Variants in SLIT2 observed in about 807,000 individuals in gnomAD.
SLIT2 encodes the protein slit guidance ligand 2.
SLIT2 carries 41 observed loss-of-function variants against 185.7 expected under a neutral mutation model. That is an observed-to-expected ratio of 0.22 (90% CI 0.17 to 0.29). The LOEUF (loss-of-function observed/expected upper bound fraction) is 0.29, where lower values mean the gene tolerates loss of function less well. Among genes scored for constraint, SLIT2 ranks in the 10% least tolerant of loss-of-function variants. The pLI, the probability that SLIT2 is intolerant of heterozygous loss-of-function variation, is 1.00. For synonymous variants in SLIT2, 693 were observed against 680.2 expected, an observed-to-expected ratio of 1.02 and a Z score of -0.29; for missense variants, 1,571 against 1,909.0, an observed-to-expected ratio of 0.82 and a Z score of 3.30.
chr4:20,443,741 G>A (rs906391753), intron 4 of SLIT2, among the ~76,000 whole-genome samples: 1 of 152,092 alleles, frequency 6.6e-6, no homozygotes, highest in Admixed American at 6.6e-5. Flanking sequence ...GAATGTTTGA[G>A]CTTAACTATA....
chr4:20,517,120 T>C (rs980663462), intron 11 of SLIT2, among the ~76,000 whole-genome samples: 1 of 152,228 alleles, frequency 6.6e-6, no homozygotes, highest in Admixed American at 6.5e-5. Flanking sequence ...ACAATTTATA[T>C]ACATCTTTGT....
At chr4:20,429,509 C>A (rs987369489) in intron 4 of SLIT2, among the ~76,000 whole-genome samples, 2 of 152,008 alleles carry the variant, frequency 1.3e-5, no homozygotes, top group Non-Finnish European at 2.9e-5. Flanking sequence ...GATGGAGAAC[C>A]TGGAAGTAAT....
At chr4:20,583,756 C>G (rs1726803863) in intron 29 of SLIT2, among the ~76,000 whole-genome samples, 1 of 151,762 alleles carries the variant, frequency 6.6e-6, no homozygotes. Flanking sequence ...TTGCAGTGAG[C>G]CAAGATCATG....
At chr4:20,384,738 TA>T (rs1307396129) in intron 4 of SLIT2, among the ~76,000 whole-genome samples, 5 of 152,256 alleles carry the variant, frequency 3.3e-5, no homozygotes, top group Middle Eastern at 3.4e-3. Flanking sequence ...GCCAAAAATT[TA>T]AATCTTTTGC....
chr4:20,257,993 A>T, intron 3 of SLIT2, 54 bp downstream of exon 3: 2 of 869,166 alleles, frequency 2.3e-6, no homozygotes, highest in South Asian at 3.1e-5. Context: ...TTTTAAAAAT[A>T]CTTAAATTTC....
intron 4 of SLIT2, among the ~76,000 whole-genome samples, chr4:20,391,357 C>A (rs373953639): frequency 6.6e-6 from 1 of 151,898 alleles, no homozygotes; most frequent in African/African-American, 2.4e-5. Flanking sequence ...ATACAACAGT[C>A]AGGGAAATAC....
At chr4:20,614,613 A>G (rs1001942561) in intron 34 of SLIT2, among the ~76,000 whole-genome samples, 12 of 151,826 alleles carry the variant, frequency 7.9e-5, no homozygotes, top group Non-Finnish European at 1.5e-4. Context: ...CCTGGTCTCT[A>G]CTAAAATTAC....
Position 20,546,342 on chromosome 4 carries a change from G to A in SLIT2, c.2345+243G>A, listed in dbSNP as rs186838552. On this transcript the variant is annotated intron_variant, in intron 22 of 36. Transcript: ENST00000504154. ...AAAGCACAAATACAACGAAGTCTGA[G>A]TAGTCAGAGAATTATGAAAATGTAT... Among the ~76,000 whole-genome samples the A allele has an allele frequency of 2.6e-3, 394 of 152,196 alleles. 2 individuals are homozygous for A. The highest frequency in any genetic ancestry group is 8.9e-3 in the African/African-American group (368 of 41,548).
intron 36 of SLIT2, 83 bp downstream of exon 36, chr4:20,617,733 G>GAAAAAAA: frequency 2.0e-6 from 1 of 496,984 alleles, no homozygotes; most frequent in Non-Finnish European, 3.6e-6. Flanking sequence ...GAGAAAAAGT[G>GAAAAAAA]AAAAAAAAAA....
In SLIT2 at chr4:20,538,301, AG is replaced by A. The variant is rs550752678; in HGVS notation, c.1833-1139del. Among the ~76,000 whole-genome samples, 1,343 of 152,324 alleles carry A rather than the reference AG, an allele frequency of 8.8e-3. 12 individuals are homozygous for A. Among genetic ancestry groups the A allele is most frequent in the South Asian group, 0.045 (215 of 4,826 alleles). ...ACTTCCCCCAGGGGCATGTGACTCCAGCAAGATTAAGACCCAGTGCTCTTCA... is the reference window on the plus strand; with the variant it reads ...ACTTCCCCCAGGGGCATGTGACTCCACAAGATTAAGACCCAGTGCTCTTCA... On this transcript the variant is annotated intron_variant, in intron 18 of 36. Transcript: ENST00000504154.
At chr4:20,457,681 A>G (rs1055235594) in intron 4 of SLIT2, among the ~76,000 whole-genome samples, 2 of 152,112 alleles carry the variant, frequency 1.3e-5, no homozygotes, top group African/African-American at 4.8e-5. Flanking sequence ...TTACCTATCT[A>G]CTTTTCCTTT....
intron 4 of SLIT2, among the ~76,000 whole-genome samples, chr4:20,458,938 G>T (rs138796955): frequency 6.6e-6 from 1 of 152,146 alleles, no homozygotes; most frequent in African/African-American, 2.4e-5. Flanking sequence ...TTTATCAGTT[G>T]TAAATTGCAT....
chr4:20,498,733 G>C (rs1718449058), intron 9 of SLIT2, among the ~76,000 whole-genome samples: 2 of 152,246 alleles, frequency 1.3e-5, no homozygotes, highest in African/African-American at 4.8e-5. Flanking sequence ...CCATGTTGCT[G>C]GAGAGGACAT....
rs1406296428 is a variant in SLIT2 at position 20,309,790 on chromosome 4, T to A, written c.395+40909T>A. ...TTTTTTTTTTTTTGAGATGGAGTCTTGCTCTTTCACCCAGGCTGGAGTGCA... is the reference window on the plus strand; with the variant it reads ...TTTTTTTTTTTTTGAGATGGAGTCTAGCTCTTTCACCCAGGCTGGAGTGCA... On this transcript the variant is annotated intron_variant, in intron 4 of 36. Coordinates refer to ENST00000504154, the MANE Select transcript of SLIT2 (RefSeq NM_004787.4). Among the ~76,000 whole-genome samples the A allele has an allele frequency of 2.0e-4, 28 of 143,146 alleles. No individual in the cohort carries two copies. The East Asian group carries it at 5.9e-3, about 30-fold the overall frequency. The allele number at this position is 143,146 out of a possible 152,430, so 93.9% of individuals were successfully genotyped here.
intron 33 of SLIT2, 124 bp downstream of exon 33, chr4:20,598,519 G>A: frequency 1.8e-6 from 2 of 1,081,924 alleles, no homozygotes; most frequent in Non-Finnish European, 2.7e-6. Flanking sequence ...TTAGGATGAG[G>A]GTATTAGTGA....
chr4:20,524,325 T>C lies in SLIT2; in HGVS notation c.1438+148T>C, dbSNP rs1260894922. On this transcript the variant is annotated intron_variant, in intron 14 of 36. Coordinates refer to ENST00000504154, the MANE Select transcript of SLIT2 (RefSeq NM_004787.4). ...CCATGAATAATAAAATAAAGAGGAC[T>C]GTAGACCCAATTCAAATAATACTTC... The C allele has an allele frequency of 5.3e-5, 36 of 685,660 alleles. No individual in the cohort carries two copies. In the Admixed American group the frequency reaches 9.8e-4, roughly 19 times the overall value. 42.5% of individuals were successfully genotyped at this position (685,660 alleles called of 1,614,324 possible). A position where few individuals can be genotyped will look rare whatever the true frequency, so the allele number is the denominator to read the frequency against.
At chr4:20,480,416 A>T (rs1445584712) in intron 5 of SLIT2, among the ~76,000 whole-genome samples, 2 of 152,152 alleles carry the variant, frequency 1.3e-5, no homozygotes, top group Non-Finnish European at 2.9e-5. Flanking sequence ...AAAGCTCTTA[A>T]TGGATAGCTT....
intron 9 of SLIT2, among the ~76,000 whole-genome samples, chr4:20,504,741 G>A (rs1342907018): frequency 6.6e-6 from 1 of 152,084 alleles, no homozygotes; most frequent in Non-Finnish European, 1.5e-5. Context: ...ATGTGTGGGG[G>A]TGTGTGGGTG....
intron 26 of SLIT2, among the ~76,000 whole-genome samples, chr4:20,561,618 CAGTT>C (rs1372299902): frequency 4.0e-5 from 6 of 151,424 alleles, no homozygotes; most frequent in Non-Finnish European, 8.9e-5. Context: ...CAAAACTGAT[CAGTT>C]AGATCAGTTT....
Sources: gnomAD v4.1 joint callset for allele counts (sites outside exome capture counted in the v4.1 genomes callset) on GRCh38, gnomAD v4.1.1 for gene constraint, MANE v1.5 for transcripts, NCBI Gene and HGNC (gene_info 2026-07-23, HGNC 2026-07-21) for gene names.